The following TGFBR3L variants were observed in gnomAD, a reference collection of about 807,000 sequenced individuals.
The protein encoded by TGFBR3L is transforming growth factor beta receptor 3 like, also known as transforming growth factor-beta receptor type 3-like protein.
In TGFBR3L, 21 loss-of-function variants were observed where a neutral mutation model predicts 20.4. The observed-to-expected ratio is 1.03, with a 90% confidence interval of 0.73 to 1.48. The LOEUF is 1.48. TGFBR3L is among the 40% of genes most tolerant of loss of function. The pLI is 0.00. For synonymous variants in TGFBR3L, 245 were observed against 244.2 expected, an observed-to-expected ratio of 1.00 and a Z score of -0.03; for missense variants, 479 against 498.0, an observed-to-expected ratio of 0.96 and a Z score of 0.36.
At chr19:7,918,329 C>T (rs1983417930) in intron 5 of TGFBR3L, among the ~76,000 whole-genome samples, 200 bp downstream of exon 6, 1 of 152,198 alleles carries the variant, frequency 6.6e-6, no homozygotes, top group African/African-American at 2.4e-5. Context: ...CTCTGCCTCC[C>T]GGGTTCAAGC....
At position 7,916,741 on chromosome 19, in the gene TGFBR3L, C is replaced by T. The variant is rs762322989; in HGVS notation, c.396C>T (p.Ala132=). Residue 132 remains alanine (A), a synonymous_variant, in exon 2 of 6, where the codon GCC becomes GCT. Coordinates refer to ENST00000565886, the MANE Select transcript of TGFBR3L (RefSeq NM_001195259.2). ...CTCTGCTGCGTGAGGGCTGCCCCGC[C>T]GACACCTCTGTCGCCTTCCCGCCAC... 1.9e-5 allele frequency: 29 copies of T among 1,491,574 alleles called. No individual in the cohort carries two copies. In the East Asian group the frequency reaches 7.2e-4, roughly 37 times the overall value. The allele number at this position is 1,491,574 out of a possible 1,614,324, so 92.4% of individuals were successfully genotyped here.
rs532844274 is a variant in TGFBR3L, at chr19:7,916,913, A to ACGC, written c.588_590dup (p.Pro197dup). The ACGC allele has an allele frequency of 2.5e-4, 330 of 1,306,170 alleles. No individual in the cohort carries two copies. The highest frequency in any genetic ancestry group is 1.0e-3 in the Admixed American group (25 of 24,378). 80.9% of individuals were successfully genotyped at this position (1,306,170 alleles called of 1,614,324 possible). Reference sequence around the variant, plus strand: ...AGTCCGCCGGGCGCCTGCGCCTCTGACGCCGCCGCCGCCGCCGCCGCCATC... The same window carrying ACGC: ...AGTCCGCCGGGCGCCTGCGCCTCTGACGCCGCCGCCGCCGCCGCCGCCGCCATC... On this transcript the variant is annotated inframe_insertion, in exon 2 of 6. Transcript: ENST00000565886.
chr19:7,916,990 G>A (rs1234935966), intron 2 of TGFBR3L, 48 bp downstream of exon 3: 3 of 1,267,586 alleles, frequency 2.4e-6, no homozygotes, highest in Non-Finnish European at 3.0e-6. Flanking sequence ...CCCTTCGGGG[G>A]CTGGGCACGG....
chr19:7,917,354 G>T, intron 2 of TGFBR3L, 119 bp from the exon 4 acceptor site: 1 of 1,365,080 alleles, frequency 7.3e-7, no homozygotes, highest in South Asian at 1.6e-5. Flanking sequence ...ATTTCCAGGG[G>T]TCCCATCTTG....
chr19:7,916,713 T>C lies in TGFBR3L; in HGVS notation c.368T>C (p.Leu123Pro). ...TCACGCCCGGCCCCGGGGCCCGCCC[T>C]GGCTCTGCTGCGTGAGGGCTGCCCC... The change falls in exon 2 of 6, where the codon CTG (leucine) becomes CCG (proline). Residue 123 changes from leucine (L) to proline (P), a missense_variant. Transcript: ENST00000565886. 1 of 1,473,368 alleles carries C rather than the reference T, an allele frequency of 6.8e-7. No homozygotes were observed. Among genetic ancestry groups the C allele is most frequent in the Non-Finnish European group, 8.9e-7 (1 of 1,119,692 alleles). The allele number at this position is 1,473,368 out of a possible 1,614,324, so 91.3% of individuals were successfully genotyped here. A position where few individuals can be genotyped will look rare whatever the true frequency, so the allele number is the denominator to read the frequency against.
chr19:7,916,639 C>T lies in TGFBR3L; in HGVS notation c.294C>T (p.Pro98=). ...TCCCCCAGGCGGCCTTGGCCCGTCC[C>T]TCCCCGCGCTGGGGCCTGGCCCTGC... The change falls in exon 2 of 6, where the codon CCC becomes CCT. Residue 98 remains proline (P), a synonymous_variant. Coordinates refer to ENST00000565886, the MANE Select transcript of TGFBR3L (RefSeq NM_001195259.2). 1 of 1,422,294 alleles carries T rather than the reference C, an allele frequency of 7.0e-7. No homozygotes were observed. Among genetic ancestry groups the T allele is most frequent in the South Asian group, 1.5e-5 (1 of 65,720 alleles). 88.1% of individuals were successfully genotyped at this position (1,422,294 alleles called of 1,614,324 possible).
Position 7,916,492 on chromosome 19 carries a change from TC to T in TGFBR3L, c.226del (p.Arg76AlafsTer36). The T allele has an allele frequency of 6.6e-7, 1 of 1,523,100 alleles. No individual in the cohort carries two copies. The highest frequency in any genetic ancestry group is 8.8e-7 in the Non-Finnish European group (1 of 1,138,118). The allele number at this position is 1,523,100 out of a possible 1,614,324, so 94.3% of individuals were successfully genotyped here. A position where few individuals can be genotyped will look rare whatever the true frequency, so the allele number is the denominator to read the frequency against. ...TGTCCGACACAGAGGACGTCTTTCC[TC>T]GCCGCGCGGGGCCGCTCGAGGTCCC... On this transcript the variant is annotated frameshift_variant, in exon 1 of 6. Transcript: ENST00000565886. LOFTEE classifies it high-confidence loss of function.
chr19:7,916,369 T>C lies in TGFBR3L; in HGVS notation c.102T>C (p.Arg34=), dbSNP rs1470546544. The C allele has an allele frequency of 1.1e-5, 17 of 1,535,506 alleles. No individual in the cohort carries two copies. The highest frequency in any genetic ancestry group is 1.4e-5 in the Non-Finnish European group (16 of 1,146,746). Reference sequence around the variant, plus strand: ...CCGGAGGCCTAAAGGGCAGCGCGCGTTTTCTCTCCTTTGGGCCGCCCTTCC... The same window carrying C: ...CCGGAGGCCTAAAGGGCAGCGCGCGCTTTCTCTCCTTTGGGCCGCCCTTCC... Residue 34 remains arginine, a synonymous_variant, in exon 1 of 6, where the codon CGT becomes CGC. Coordinates refer to ENST00000565886, the MANE Select transcript of TGFBR3L (RefSeq NM_001195259.2).
In TGFBR3L at chr19:7,916,934, C is replaced by A; in HGVS notation, c.589C>A (p.Pro197Thr). Residue 197 changes from proline (P) to threonine (T), a missense_variant, in exon 2 of 6, where the codon CCA becomes ACA. Physicochemically the swap from Pro to Thr is conservative, Grantham distance 38. Coordinates refer to ENST00000565886, the MANE Select transcript of TGFBR3L (RefSeq NM_001195259.2). Reference sequence around the variant, plus strand: ...TCTGACGCCGCCGCCGCCGCCGCCGCCATCGCGGGTGCGCGGGCGCAGAGC... The same window carrying A: ...TCTGACGCCGCCGCCGCCGCCGCCGACATCGCGGGTGCGCGGGCGCAGAGC... 7.7e-7 allele frequency: 1 copy of A among 1,290,524 alleles called. No individual in the cohort carries two copies. The highest frequency in any genetic ancestry group is 9.7e-7 in the Non-Finnish European group (1 of 1,027,432). The allele number at this position is 1,290,524 out of a possible 1,614,324, so 79.9% of individuals were successfully genotyped here.
chr19:7,917,101 G>A (rs990962168), intron 2 of TGFBR3L, 159 bp downstream of exon 3: 70 of 1,127,818 alleles, frequency 6.2e-5, no homozygotes, highest in Non-Finnish European at 7.6e-5. Context: ...GAGTTTCTCC[G>A]GGGACAGTGT....
chr19:7,916,958 G>A lies in TGFBR3L; in HGVS notation c.597+16G>A. 11 of 1,278,960 alleles carry A rather than the reference G, an allele frequency of 8.6e-6. No individual in the cohort carries two copies. The highest frequency in any genetic ancestry group is 2.8e-5 in the South Asian group (1 of 35,396). The allele number at this position is 1,278,960 out of a possible 1,614,324, so 79.2% of individuals were successfully genotyped here. The stretch of plus-strand genomic sequence containing the variant: ...GCCATCGCGGGTGCGCGGGCGCAGA[G>A]CCTGGAATCCGGGCGCTGGGGCCCT... On this transcript the variant is annotated intron_variant, in intron 2 of 5. Coordinates refer to ENST00000565886, the MANE Select transcript of TGFBR3L (RefSeq NM_001195259.2).
At position 7,917,520 on chromosome 19, in the gene TGFBR3L, C is replaced by G. The variant is rs1157195502; in HGVS notation, c.645C>G (p.Ala215=). ...GCGCCGACACTGGCAGTGGCAGCGCCGAGGGCCTGGCTGCTGACGGCCCCC... is the reference window on the plus strand; with the variant it reads ...GCGCCGACACTGGCAGTGGCAGCGCGGAGGGCCTGGCTGCTGACGGCCCCC... Residue 215 remains alanine, a synonymous_variant, in exon 3 of 6, where the codon GCC becomes GCG. Transcript: ENST00000565886. 5 of 1,524,246 alleles carry G rather than the reference C, an allele frequency of 3.3e-6. No homozygotes were observed. Among genetic ancestry groups the G allele is most frequent in the Non-Finnish European group, 3.5e-6 (4 of 1,142,246 alleles). The allele number at this position is 1,524,246 out of a possible 1,614,324, so 94.4% of individuals were successfully genotyped here. A position where few individuals can be genotyped will look rare whatever the true frequency, so the allele number is the denominator to read the frequency against.
At chr19:7,918,010 T>C (rs1983393735) in intron 4 of TGFBR3L, 47 bp from the exon 6 acceptor site, 1 of 1,522,064 alleles carries the variant, frequency 6.6e-7, no homozygotes, top group East Asian at 2.5e-5. Flanking sequence ...GCCCTTAGCC[T>C]GGCGTGGCGC....
chr19:7,916,895 C>G lies in TGFBR3L; in HGVS notation c.550C>G (p.Arg184Gly). ...CTGCCGCCGCCTCCGGGGAGTCCGC[C>G]GGGCGCCTGCGCCTCTGACGCCGCC... Residue 184 changes from arginine (R) to glycine (G), a missense_variant, in exon 2 of 6, where the codon CGG becomes GGG. Arg to Gly is a moderately radical substitution (Grantham distance 125). Coordinates refer to ENST00000565886, the MANE Select transcript of TGFBR3L (RefSeq NM_001195259.2). The G allele has an allele frequency of 7.5e-7, 1 of 1,338,014 alleles. No homozygotes were observed. The highest frequency in any genetic ancestry group is 9.5e-7 in the Non-Finnish European group (1 of 1,050,132). 82.9% of individuals were successfully genotyped at this position (1,338,014 alleles called of 1,614,324 possible). A position where few individuals can be genotyped will look rare whatever the true frequency, so the allele number is the denominator to read the frequency against.
chr19:7,919,045 C>G lies in TGFBR3L; in HGVS notation c.*134C>G, dbSNP rs753408951. ...GCCACGACCCCTGCGCTTCTCTCCT[C>G]CCCCTGTCCCTCCCACCTGTGCTCA... On this transcript the variant is annotated 3_prime_UTR_variant, in exon 6 of 6. Transcript: ENST00000565886. The G allele has an allele frequency of 2.5e-6, 1 of 398,872 alleles. No individual in the cohort carries two copies. The highest frequency in any genetic ancestry group is 4.4e-6 in the Non-Finnish European group (1 of 226,212). 24.7% of individuals were successfully genotyped at this position (398,872 alleles called of 1,614,324 possible). A position where few individuals can be genotyped will look rare whatever the true frequency, so the allele number is the denominator to read the frequency against.
Position 7,918,021 on chromosome 19 carries a change from G to T in TGFBR3L, c.884-36G>T, listed in dbSNP as rs1025010028. 4 of 1,524,750 alleles carry T rather than the reference G, an allele frequency of 2.6e-6. No individual in the cohort carries two copies. The African/African-American group carries it at 5.5e-5, about 21-fold the overall frequency. 94.5% of individuals were successfully genotyped at this position (1,524,750 alleles called of 1,614,324 possible). ...GGCCGCCCTTAGCCTGGCGTGGCGC[G>T]CAGCAGCCCTTCTGCAGCTCGCCTC... On this transcript the variant is annotated intron_variant, in intron 4 of 5. Coordinates refer to ENST00000565886, the MANE Select transcript of TGFBR3L (RefSeq NM_001195259.2).
chr19:7,916,483 C>T lies in TGFBR3L; in HGVS notation c.216C>T (p.Asp72=), dbSNP rs1408734127. Reference sequence around the variant, plus strand: ...GCCTGAAGCTGTCCGACACAGAGGACGTCTTTCCTCGCCGCGCGGGGCCGC... The same window carrying T: ...GCCTGAAGCTGTCCGACACAGAGGATGTCTTTCCTCGCCGCGCGGGGCCGC... Residue 72 remains aspartate, a synonymous_variant, in exon 1 of 6, where the codon GAC becomes GAT. Transcript: ENST00000565886. 2.0e-6 allele frequency: 3 copies of T among 1,524,948 alleles called. No individual in the cohort carries two copies. In the Admixed American group the frequency reaches 5.9e-5, roughly 30 times the overall value. 94.5% of individuals were successfully genotyped at this position (1,524,948 alleles called of 1,614,324 possible).
intron 5 of TGFBR3L, 183 bp from the exon 7 acceptor site, chr19:7,918,734 C>T: frequency 2.5e-6 from 1 of 395,996 alleles, no homozygotes; most frequent in Non-Finnish European, 4.4e-6. Flanking sequence ...CAGGCGCGGG[C>T]TTTGGGTCGA....
chr19:7,916,809 G>C lies in TGFBR3L; in HGVS notation c.464G>C (p.Ser155Thr), dbSNP rs1224441506. ...GGTGCCGCCCGCCCCGCGCGTTTCA[G>C]CTTCCGCCTGCGCCCGGTCTTCAAC... Residue 155 changes from serine (S) to threonine (T), a missense_variant, in exon 2 of 6, where the codon AGC becomes ACC. Physicochemically the swap from Ser to Thr is moderately conservative, Grantham distance 58 (BLOSUM62 1). Coordinates refer to ENST00000565886, the MANE Select transcript of TGFBR3L (RefSeq NM_001195259.2). The C allele has an allele frequency of 6.7e-7, 1 of 1,482,782 alleles. No homozygotes were observed. Among genetic ancestry groups the C allele is most frequent in the Non-Finnish European group, 8.9e-7 (1 of 1,121,866 alleles). 91.9% of individuals were successfully genotyped at this position (1,482,782 alleles called of 1,614,324 possible).
Sources: allele counts gnomAD v4.1 joint callset (sites outside exome capture counted in the v4.1 genomes callset), GRCh38; gene constraint gnomAD v4.1.1; transcripts MANE v1.5; gene names NCBI Gene and HGNC (gene_info 2026-07-23, HGNC 2026-07-21).